The following FTCDNL1 variants were observed in gnomAD, a reference collection of about 807,000 sequenced individuals.
FTCDNL1 encodes formiminotransferase cyclodeaminase N-terminal like, also known as formiminotransferase N-terminal subdomain-containing protein.
Under a neutral mutation model 5.9 loss-of-function variants are expected in FTCDNL1, and 11 were observed. The ratio of observed to expected loss-of-function variants is 1.87; its 90% CI spans 1.18 to 3.10. FTCDNL1 has a LOEUF of 3.10. Ranked by LOEUF, FTCDNL1 falls within the 30% of genes most tolerant of loss-of-function variation. The probability of loss-of-function intolerance (pLI) is 0.00; values close to 1 mark genes in which losing one functional copy is unlikely to be tolerated. For missense variants in FTCDNL1, 115 were observed against 65.5 expected (o/e 1.76, Z -2.61); for synonymous variants, 58 against 24.8 (o/e 2.34, Z -3.99).
the FTCDNL1 span, among the ~76,000 whole-genome samples, chr2:199,745,790 T>C: frequency 6.6e-6 from 1 of 152,160 alleles, no homozygotes; most frequent in African/African-American, 2.4e-5. Context: ...GAAATGCATA[T>C]TGCACGCAGA....
At position 199,848,311 on chromosome 2, in the gene FTCDNL1, T is replaced by C. The variant is rs188695091; in HGVS notation, c.115+537A>G. On this transcript the variant is annotated intron_variant, in intron 2 of 4. Coordinates refer to ENST00000420128, the MANE Select transcript of FTCDNL1 (RefSeq NM_001363886.2). Reference sequence around the variant, plus strand: ...AAATTGCTGAGTGATCTTAAGCGCATCATTTAAATGCACTTGCCTAACAGT... The same window carrying C: ...AAATTGCTGAGTGATCTTAAGCGCACCATTTAAATGCACTTGCCTAACAGT... Among the ~76,000 whole-genome samples the C allele has an allele frequency of 7.1e-3, 1,082 of 152,344 alleles. 7 individuals are homozygous for C. Among genetic ancestry groups the C allele is most frequent in the Non-Finnish European group, 9.9e-3 (671 of 68,036 alleles).
chr2:199,813,779 C>T (rs914380792), intron 4 of FTCDNL1, among the ~76,000 whole-genome samples: 15 of 151,850 alleles, frequency 9.9e-5, no homozygotes, highest in Middle Eastern at 3.4e-3. Context: ...GGCATGGTGG[C>T]GCGTGCCTGT....
chr2:199,814,014 G>C (rs1321602333), intron 4 of FTCDNL1, among the ~76,000 whole-genome samples: 1 of 151,064 alleles, frequency 6.6e-6, no homozygotes, highest in Non-Finnish European at 1.5e-5. Flanking sequence ...CAGGAAGAAA[G>C]TTAAAATAAG....
At chr2:199,736,460 T>C in the FTCDNL1 span, among the ~76,000 whole-genome samples, 1 of 152,220 alleles carries the variant, frequency 6.6e-6, no homozygotes, top group Non-Finnish European at 1.5e-5. Flanking sequence ...GATGCTAACC[T>C]TGACTTTCTA....
chr2:199,823,399 A>G (rs1171573028), intron 3 of FTCDNL1, among the ~76,000 whole-genome samples: 1 of 152,126 alleles, frequency 6.6e-6, no homozygotes, highest in African/African-American at 2.4e-5. Context: ...AAGGTTTTCA[A>G]TTTACTTTTT....
the FTCDNL1 span, among the ~76,000 whole-genome samples, chr2:199,668,915 G>A: frequency 7.9e-5 from 12 of 152,156 alleles, no homozygotes; most frequent in African/African-American, 2.9e-4. Context: ...CAGATACAGT[G>A]TAGGATGAAG....
chr2:199,715,443 C>A, the FTCDNL1 span, among the ~76,000 whole-genome samples: 3 of 152,130 alleles, frequency 2.0e-5, no homozygotes, highest in South Asian at 6.2e-4. Flanking sequence ...TATAAAAGGG[C>A]AGTTCCCCTG....
the FTCDNL1 span, among the ~76,000 whole-genome samples, chr2:199,698,725 A>G: frequency 6.6e-6 from 1 of 152,204 alleles, no homozygotes. Context: ...AATTAGAACA[A>G]GAACAACCAG....
At chr2:199,672,349 G>C in the FTCDNL1 span, among the ~76,000 whole-genome samples, 2 of 152,132 alleles carry the variant, frequency 1.3e-5, no homozygotes, top group Non-Finnish European at 2.9e-5. Flanking sequence ...CATATAAATA[G>C]ATTTACTACA....
chr2:199,666,671 C>A, the FTCDNL1 span, among the ~76,000 whole-genome samples: 1 of 152,132 alleles, frequency 6.6e-6, no homozygotes. Context: ...CATCCCAGCA[C>A]TTTGGGAGGC....
At chr2:199,712,765 C>T in the FTCDNL1 span, among the ~76,000 whole-genome samples, 3 of 152,314 alleles carry the variant, frequency 2.0e-5, no homozygotes, top group East Asian at 5.8e-4. Flanking sequence ...TGTGTCACTC[C>T]AACCCCTGCC....
rs534628446 is a variant in FTCDNL1 at position 199,813,360 on chromosome 2, T to C, written c.398-636A>G. 1.0e-3 allele frequency among the ~76,000 whole-genome samples: 155 copies of C among 150,586 alleles called. 1 individual carries two copies. Among genetic ancestry groups the C allele is most frequent in the African/African-American group, 3.8e-3 (155 of 40,976 alleles). ...TTTCAATCAATTAAAGGTGAAAGGATTCTATATATTTTAACTCTACAGAAA... is the reference window on the plus strand; with the variant it reads ...TTTCAATCAATTAAAGGTGAAAGGACTCTATATATTTTAACTCTACAGAAA... On this transcript the variant is annotated intron_variant, in intron 4 of 4. Transcript: ENST00000420128.
At position 199,826,448 on chromosome 2, in the gene FTCDNL1, T is replaced by A. The variant is rs1158023882; in HGVS notation, c.212-6691A>T. ...GGAAAAGAAAGAAAAAAAAAAACCT[T>A]TCTCTAAATCACCAATTCCTTATCT... On this transcript the variant is annotated intron_variant, in intron 3 of 4. Transcript: ENST00000420128. 4.0e-5 allele frequency among the ~76,000 whole-genome samples: 6 copies of A among 151,130 alleles called. No homozygotes were observed. In the South Asian group the frequency reaches 8.3e-4, roughly 21 times the overall value.
the FTCDNL1 span, among the ~76,000 whole-genome samples, chr2:199,748,221 A>G: frequency 6.6e-6 from 1 of 152,346 alleles, no homozygotes; most frequent in African/African-American, 2.4e-5. Flanking sequence ...TGTCCTGCAC[A>G]TGATCATCCT....
intron 3 of FTCDNL1, among the ~76,000 whole-genome samples, chr2:199,801,066 C>T (rs1488798540): frequency 6.6e-6 from 1 of 152,158 alleles, no homozygotes; most frequent in Non-Finnish European, 1.5e-5. Flanking sequence ...TCCTCCACTT[C>T]TTACATACTT....
chr2:199,738,169 C>T, the FTCDNL1 span, among the ~76,000 whole-genome samples: 1 of 152,210 alleles, frequency 6.6e-6, no homozygotes, highest in African/African-American at 2.4e-5. Flanking sequence ...CGATACCATA[C>T]ACTGAAAGAA....
rs1178184231 is a variant in FTCDNL1 at position 199,819,563 on chromosome 2, G to A, written c.397+9C>T. The A allele has an allele frequency of 1.4e-6, 1 of 700,586 alleles. No individual in the cohort carries two copies. The highest frequency in any genetic ancestry group is 2.6e-6 in the Non-Finnish European group (1 of 384,450). 43.4% of individuals were successfully genotyped at this position (700,586 alleles called of 1,614,324 possible). On this transcript the variant is annotated intron_variant, in intron 4 of 4. Transcript: ENST00000420128. Reference sequence around the variant, plus strand: ...AAAAACAGAGCAAAGCAAAAACCATGCTCAGAACCTGTTAAACCACATCTT... The same window carrying A: ...AAAAACAGAGCAAAGCAAAAACCATACTCAGAACCTGTTAAACCACATCTT...
chr2:199,706,062 G>A, the FTCDNL1 span, among the ~76,000 whole-genome samples: 1 of 152,136 alleles, frequency 6.6e-6, no homozygotes, highest in Non-Finnish European at 1.5e-5. Context: ...CATGTTTTCT[G>A]TCCTGTCCCC....
chr2:199,684,067 G>C, the FTCDNL1 span, among the ~76,000 whole-genome samples: 1 of 152,150 alleles, frequency 6.6e-6, no homozygotes, highest in Non-Finnish European at 1.5e-5. Flanking sequence ...GATGATGATG[G>C]GTAACTGTCT....
Sources: allele counts gnomAD v4.1 joint callset (sites outside exome capture counted in the v4.1 genomes callset), GRCh38; gene constraint gnomAD v4.1.1; transcripts MANE v1.5; gene names NCBI Gene and HGNC (gene_info 2026-07-23, HGNC 2026-07-21).